TULP4: variants seen among roughly 807,000 people sequenced by gnomAD.
TULP4 encodes tubby-related protein 4.
In TULP4, 16 loss-of-function variants were observed where a neutral mutation model predicts 129.0. The observed-to-expected ratio is 0.12, with a 90% CI of 0.08 to 0.19. TULP4 has a LOEUF of 0.19. Among genes scored for constraint, TULP4 ranks in the 10% least tolerant of loss-of-function variants. The pLI is 1.00. For missense variants in TULP4, 1,842 were observed against 2,059.1 expected (o/e 0.89, Z 2.04); for synonymous variants, 998 against 854.0 (o/e 1.17, Z -2.94).
Position 158,314,225 on chromosome 6 carries a change from C to T in TULP4, c.209C>T (p.Thr70Ile), listed in dbSNP as rs1045091320. ...AGTCACTGTCGCAGGGACAGGAGTA[C>T]TCCACAGAGGATAAATTTCAACCTC... ...TSSHCRRDRSTPQRINFNLRG... is the reference protein window; with the variant it reads ...TSSHCRRDRSIPQRINFNLRG... Residue 70 changes from threonine to isoleucine, a missense_variant, in exon 1 of 14, where the codon ACT becomes ATT. Thr to Ile is a moderately conservative substitution (Grantham distance 89). Coordinates refer to ENST00000367097, the MANE Select transcript of TULP4 (RefSeq NM_020245.5). The T allele has an allele frequency of 5.6e-6, 9 of 1,614,072 alleles. No individual in the cohort carries two copies. The highest frequency in any genetic ancestry group is 6.8e-6 in the Non-Finnish European group (8 of 1,180,050).
intron 1 of TULP4, among the ~76,000 whole-genome samples, chr6:158,407,516 C>T (rs1708593103): frequency 6.6e-6 from 1 of 151,876 alleles, no homozygotes; most frequent in Non-Finnish European, 1.5e-5. Context: ...TAGGTATAGA[C>T]CCAAGAAAAA....
At chr6:158,424,003 T>C (rs1778415591) in intron 2 of TULP4, among the ~76,000 whole-genome samples, 1 of 152,008 alleles carries the variant, frequency 6.6e-6, no homozygotes, top group South Asian at 2.1e-4. Flanking sequence ...CTGGAGAAAA[T>C]ATTTGAAGTA....
intron 1 of TULP4, among the ~76,000 whole-genome samples, chr6:158,254,104 A>G (rs1313181983): frequency 6.6e-6 from 1 of 152,078 alleles, no homozygotes; most frequent in African/African-American, 2.4e-5. Context: ...GGTCAAGGAA[A>G]GAGTGGAGAA....
rs1298583420 is a variant in TULP4 at position 158,502,586 on chromosome 6, G to T, written c.2923G>T (p.Ala975Ser). The change falls in exon 13 of 14, where the codon GCC (alanine) becomes TCC (serine). Residue 975 changes from alanine to serine, a missense_variant. Transcript: ENST00000367097. ...ASQLAQGRGA[A>S]QRSDNSLIHA... is the part of the protein sequence containing the mutation. ...CCAGCTGGCCCAGGGGCGGGGGGCT[G>T]CCCAGAGGTCCGACAATAGCCTCAT... 1 of 1,602,702 alleles carries T rather than the reference G, an allele frequency of 6.2e-7. No homozygotes were observed. The highest frequency in any genetic ancestry group is 1.3e-5 in the African/African-American group (1 of 75,048).
intron 1 of TULP4, among the ~76,000 whole-genome samples, chr6:158,408,758 T>C (rs1032261686): frequency 6.6e-6 from 1 of 152,254 alleles, no homozygotes; most frequent in Admixed American, 6.5e-5. Context: ...ACCATTGTTC[T>C]AGTTGAATTT....
intron 2 of TULP4, among the ~76,000 whole-genome samples, chr6:158,415,960 T>A (rs567715359): frequency 1.3e-5 from 2 of 152,158 alleles, no homozygotes; most frequent in African/African-American, 4.8e-5. Context: ...CCACAAAAGT[T>A]GGGAAGTTGA....
chr6:158,415,894 C>T (rs1778199273), intron 2 of TULP4, among the ~76,000 whole-genome samples: 1 of 152,148 alleles, frequency 6.6e-6, no homozygotes, highest in African/African-American at 2.4e-5. Flanking sequence ...CCATGATAGG[C>T]CGTCTGCAAG....
At chr6:158,265,326 T>C (rs1172544575) in intron 1 of TULP4, among the ~76,000 whole-genome samples, 1 of 152,186 alleles carries the variant, frequency 6.6e-6, no homozygotes, top group Non-Finnish European at 1.5e-5. Flanking sequence ...CTTTACTTAC[T>C]TGCTTATTTA....
chr6:158,425,620 G>GT (rs1350775777), intron 2 of TULP4, among the ~76,000 whole-genome samples: 5 of 145,658 alleles, frequency 3.4e-5, no homozygotes, highest in African/African-American at 1.0e-4. Context: ...GTTTTGTTTT[G>GT]TTTTTTTGAG....
Position 158,508,705 on chromosome 6 carries a change from G to A in TULP4, c.*2011G>A, listed in dbSNP as rs541655808. On this transcript the variant is annotated 3_prime_UTR_variant, in exon 14 of 14. Coordinates refer to ENST00000367097, the MANE Select transcript of TULP4 (RefSeq NM_020245.5). ...CTAAATGCAATTCCCCTGTTTTGTC[G>A]TTTAGGAGATAATTATTTATCTTGC... The A allele has an allele frequency of 2.0e-5, 3 of 152,552 alleles. No homozygotes were observed. Among genetic ancestry groups the A allele is most frequent in the Non-Finnish European group, 2.9e-5 (2 of 68,008 alleles). 9.4% of individuals were successfully genotyped at this position (152,552 alleles called of 1,614,324 possible). A position where few individuals can be genotyped will look rare whatever the true frequency, so the allele number is the denominator to read the frequency against.
At chr6:158,388,425 G>T (rs1228431425) in intron 1 of TULP4, among the ~76,000 whole-genome samples, 2 of 141,840 alleles carry the variant, frequency 1.4e-5, no homozygotes, top group African/African-American at 5.4e-5. Context: ...CACCTCCCGG[G>T]TTCACACCAT....
At chr6:158,449,247 G>T (rs1470811700) in intron 4 of TULP4, 71 bp downstream of exon 4, 2 of 1,455,548 alleles carry the variant, frequency 1.4e-6, no homozygotes, top group Non-Finnish European at 1.8e-6. Flanking sequence ...AGAGTAGACT[G>T]ATGTGGAGGA....
intron 3 of TULP4, among the ~76,000 whole-genome samples, chr6:158,436,481 A>C (rs958123885): frequency 2.6e-5 from 4 of 152,208 alleles, no homozygotes; most frequent in Non-Finnish European, 5.9e-5. Context: ...TTTTGAAAAC[A>C]TGATTATATT....
At chr6:158,258,154 A>G (rs74802634) in intron 1 of TULP4, among the ~76,000 whole-genome samples, 9,726 of 152,244 alleles carry the variant, frequency 0.064, 469 homozygotes, top group African/African-American at 0.13. Context: ...AACTAACACA[A>G]AAAAAGGGAA....
chr6:158,355,542 T>C (rs1266774824), intron 1 of TULP4, among the ~76,000 whole-genome samples: 2 of 152,148 alleles, frequency 1.3e-5, no homozygotes, highest in Non-Finnish European at 2.9e-5. Flanking sequence ...GCTCTGTTCA[T>C]GTGTAGTGTA....
At chr6:158,399,415 A>G (rs1777794814) in intron 1 of TULP4, among the ~76,000 whole-genome samples, 1 of 152,238 alleles carries the variant, frequency 6.6e-6, no homozygotes, top group Non-Finnish European at 1.5e-5. Flanking sequence ...TTCAATGTGT[A>G]TGTGAAATAC....
At chr6:158,418,099 G>GTTT (rs35832683) in intron 2 of TULP4, among the ~76,000 whole-genome samples, 1 of 134,262 alleles carries the variant, frequency 7.4e-6, no homozygotes, top group Admixed American at 7.4e-5. Context: ...GTGTGTGTGT[G>GTTT]TTTTTTTTTT....
At chr6:158,261,077 C>T (rs1337919559) in intron 1 of TULP4, among the ~76,000 whole-genome samples, 1 of 151,974 alleles carries the variant, frequency 6.6e-6, no homozygotes, top group African/African-American at 2.4e-5. Context: ...CTTCAGCATC[C>T]CAGAGCGCTG....
At chr6:158,385,840 A>ATTTTTTTTTTTTTTTTTTT (rs1397821107) in intron 1 of TULP4, among the ~76,000 whole-genome samples, 29 of 34,012 alleles carry the variant, frequency 8.5e-4, no homozygotes, top group Non-Finnish European at 1.1e-3. Context: ...AATGTGGAAT[A>ATTTTTTTTTTTTTTTTTTT]TCTTTTTTTT....
Sources: allele counts gnomAD v4.1 joint callset (sites outside exome capture counted in the v4.1 genomes callset), GRCh38; gene constraint gnomAD v4.1.1; transcripts MANE v1.5; gene names NCBI Gene and HGNC (gene_info 2026-07-23, HGNC 2026-07-21).